MYO6: variants seen among roughly 807,000 people sequenced by gnomAD.
The protein encoded by MYO6 is unconventional myosin-VI.
MYO6 carries 74 observed loss-of-function variants against 178.7 expected under a neutral mutation model. The observed-to-expected ratio is 0.41, with a 90% CI of 0.34 to 0.50. The LOEUF (loss-of-function observed/expected upper bound fraction) is 0.50, where lower values mean the gene tolerates loss of function less well. MYO6 is among the 20% of genes least tolerant of loss of function. MYO6 has a pLI of 0.09. For missense variants in MYO6, 1,330 were observed against 1,547.4 expected (o/e 0.86, Z 2.36); for synonymous variants, 477 against 504.6 (o/e 0.95, Z 0.73).
chr6:75,889,413 A>C (rs1479532814), intron 25 of MYO6, among the ~76,000 whole-genome samples: 1 of 152,092 alleles, frequency 6.6e-6, no homozygotes, highest in East Asian at 1.9e-4. Context: ...TACTTAAGAA[A>C]TAATTCTTTT....
At chr6:75,880,586 C>T (rs1224535721) in intron 22 of MYO6, among the ~76,000 whole-genome samples, 1 of 152,226 alleles carries the variant, frequency 6.6e-6, no homozygotes, top group Non-Finnish European at 1.5e-5. Context: ...CCATGGACTA[C>T]AGCGTGGACA....
At chr6:75,887,129 T>C in intron 25 of MYO6, 135 bp downstream of exon 25, 1 of 774,742 alleles carries the variant, frequency 1.3e-6, no homozygotes, top group Non-Finnish European at 2.1e-6. Context: ...TGATGGCAAG[T>C]ACATGCTCAT....
chr6:75,823,862 A>G (rs1343752296), intron 3 of MYO6, among the ~76,000 whole-genome samples: 3 of 152,258 alleles, frequency 2.0e-5, no homozygotes, highest in Non-Finnish European at 4.4e-5. Context: ...GAGATGATAT[A>G]AAGTGCTTTG....
chr6:75,907,534 T>C (rs902929258), intron 30 of MYO6, 71 bp from the exon 31 acceptor site: 12 of 1,233,932 alleles, frequency 9.7e-6, no homozygotes, highest in Non-Finnish European at 1.4e-5. Flanking sequence ...TATGCATGCT[T>C]TCTTGCCTCT....
intron 10 of MYO6, among the ~76,000 whole-genome samples, chr6:75,847,301 G>A (rs1025621159): frequency 6.6e-6 from 1 of 151,972 alleles, no homozygotes; most frequent in African/African-American, 2.4e-5. Context: ...ATAATTTTGT[G>A]GAAAGACAAT....
At chr6:75,796,909 G>A (rs930574187) in intron 1 of MYO6, among the ~76,000 whole-genome samples, 1 of 151,986 alleles carries the variant, frequency 6.6e-6, no homozygotes, top group Non-Finnish European at 1.5e-5. Context: ...GCTGCAAAGG[G>A]CATTATTTCA....
At chr6:75,753,585 C>T (rs188553562) in intron 1 of MYO6, among the ~76,000 whole-genome samples, 7 of 151,888 alleles carry the variant, frequency 4.6e-5, no homozygotes, top group East Asian at 3.9e-4. Context: ...CCTCAGTCTC[C>T]GGAGTAGCTG....
intron 1 of MYO6, among the ~76,000 whole-genome samples, chr6:75,809,276 A>G (rs1034093808): frequency 6.6e-6 from 1 of 152,204 alleles, no homozygotes; most frequent in Non-Finnish European, 1.5e-5. Flanking sequence ...TTCCTTTCAC[A>G]GGATTTACAG....
At position 75,914,937 on chromosome 6, in the gene MYO6, C is replaced by T; in HGVS notation, c.3783C>T (p.Tyr1261=). The part of the protein sequence containing the change: ...EIWERCGGIQ[Y]LQNAIESRQA... Reference sequence around the variant, plus strand: ...GGGAACGCTGTGGAGGCATCCAGTACCTTCAGAATGCGATTGAGAGCAGAC... The same window carrying T: ...GGGAACGCTGTGGAGGCATCCAGTATCTTCAGAATGCGATTGAGAGCAGAC... Residue 1261 remains tyrosine, a synonymous_variant, in exon 35 of 35, where the codon TAC becomes TAT. Coordinates refer to ENST00000369977, the MANE Select transcript of MYO6 (RefSeq NM_004999.4). The T allele has an allele frequency of 1.2e-6, 2 of 1,614,086 alleles. No homozygotes were observed. The highest frequency in any genetic ancestry group is 1.7e-6 in the Non-Finnish European group (2 of 1,180,006).
intron 23 of MYO6, among the ~76,000 whole-genome samples, chr6:75,885,367 C>T (rs918131290): frequency 1.3e-5 from 2 of 151,812 alleles, no homozygotes; most frequent in African/African-American, 2.4e-5. Flanking sequence ...AACCCTGGCT[C>T]GAATAAAAAT....
intron 1 of MYO6, among the ~76,000 whole-genome samples, chr6:75,776,847 T>A (rs1370763981): frequency 6.6e-6 from 1 of 152,196 alleles, no homozygotes; most frequent in East Asian, 1.9e-4. Context: ...TTTGTTTTTT[T>A]AACATGAAAG....
chr6:75,768,411 T>C (rs59964990), intron 1 of MYO6, among the ~76,000 whole-genome samples: 8,012 of 150,312 alleles, frequency 0.053, 492 homozygotes, highest in African/African-American at 0.15. Context: ...GATGGAGTCT[T>C]GCTCTATCAC....
intron 1 of MYO6, among the ~76,000 whole-genome samples, chr6:75,775,083 C>T (rs1766250069): frequency 6.6e-6 from 1 of 152,044 alleles, no homozygotes; most frequent in East Asian, 1.9e-4. Context: ...TGTGAGCCAC[C>T]ACGTCCGGTG....
At chr6:75,756,835 T>A (rs749276317) in intron 1 of MYO6, among the ~76,000 whole-genome samples, 4 of 151,524 alleles carry the variant, frequency 2.6e-5, no homozygotes, top group Non-Finnish European at 4.4e-5. Flanking sequence ...GGGTCTCTGC[T>A]AGTACTAAGC....
Position 75,918,840 on chromosome 6 carries a change from C to G in MYO6, c.*3828C>G, listed in dbSNP as rs1229435475. ...TGTTTTTTTAAAAATAGATTTAGGG[C>G]TGGGCGCGGTGGCTCACGCCTGTAA... is the stretch of plus-strand genomic sequence containing the variant. On this transcript the variant is annotated 3_prime_UTR_variant, in exon 35 of 35. Coordinates refer to ENST00000369977, the MANE Select transcript of MYO6 (RefSeq NM_004999.4). 6.6e-6 allele frequency: 1 copy of G among 152,174 alleles called. No homozygotes were observed. Among genetic ancestry groups the G allele is most frequent in the Non-Finnish European group, 1.5e-5 (1 of 68,054 alleles). 9.4% of individuals were successfully genotyped at this position (152,174 alleles called of 1,614,324 possible).
In MYO6 at chr6:75,885,959, T is replaced by A. The variant is rs572653702; in HGVS notation, c.2417-45T>A. On this transcript the variant is annotated intron_variant, in intron 23 of 34. Transcript: ENST00000369977. Reference sequence around the variant, plus strand: ...GAGTTTTTTTAATATATGTTAGATTTAAACTGAATAATTTTCTATCATTTT... The same window carrying A: ...GAGTTTTTTTAATATATGTTAGATTAAAACTGAATAATTTTCTATCATTTT... The A allele has an allele frequency of 1.2e-4, 143 of 1,197,100 alleles. 1 individual carries two copies. Among genetic ancestry groups the A allele is most frequent in the Middle Eastern group, 1.1e-3 (4 of 3,770 alleles). The allele number at this position is 1,197,100 out of a possible 1,614,324, so 74.2% of individuals were successfully genotyped here.
intron 1 of MYO6, among the ~76,000 whole-genome samples, chr6:75,803,798 A>G (rs1241950377): frequency 6.6e-6 from 1 of 152,214 alleles, no homozygotes; most frequent in South Asian, 2.1e-4. Context: ...CTTATGTTCA[A>G]TTAATACTAT....
At chr6:75,836,084 A>G in intron 7 of MYO6, 128 bp downstream of exon 7, 2 of 731,832 alleles carry the variant, frequency 2.7e-6, no homozygotes, top group Non-Finnish European at 5.0e-6. Context: ...CATTGCTCAT[A>G]TATCATCTTG....
intron 1 of MYO6, among the ~76,000 whole-genome samples, chr6:75,751,270 C>T (rs1478050752): frequency 6.6e-6 from 1 of 152,000 alleles, no homozygotes; most frequent in African/African-American, 2.4e-5. Flanking sequence ...GTACATTTGC[C>T]CATTATTTTT....
Sources: allele counts gnomAD v4.1 joint callset (sites outside exome capture counted in the v4.1 genomes callset), GRCh38; gene constraint gnomAD v4.1.1; transcripts MANE v1.5; gene names NCBI Gene and HGNC (gene_info 2026-07-23, HGNC 2026-07-21).